The following GBF1 variants were observed in gnomAD, a reference collection of about 807,000 sequenced individuals.
GBF1 encodes Golgi-specific brefeldin A-resistance guanine nucleotide exchange factor 1.
A neutral mutation model predicts 210.5 loss-of-function variants in GBF1; 114 were observed. The ratio of observed to expected loss-of-function variants is 0.54; its 90% CI spans 0.47 to 0.63. The LOEUF is 0.63. Ranked by LOEUF, GBF1 falls within the 30% of genes least tolerant of loss-of-function variation. The pLI is 0.00. For missense variants in GBF1, 1,851 were observed against 2,357.7 expected (o/e 0.79, Z 4.45); for synonymous variants, 850 against 889.2 (o/e 0.96, Z 0.78).
chr10:102,344,170 T>C lies in GBF1; in HGVS notation c.283T>C (p.Tyr95His). 1 of 1,613,968 alleles carries C rather than the reference T, an allele frequency of 6.2e-7. No homozygotes were observed. The highest frequency in any genetic ancestry group is 8.5e-7 in the Non-Finnish European group (1 of 1,179,810). Reference sequence around the variant, plus strand: ...CACCTCTGTCAACAAGTTCCTGTCCTATGCACTCATAGGTAAGAGCTCAGG... The same window carrying C: ...CACCTCTGTCAACAAGTTCCTGTCCCATGCACTCATAGGTAAGAGCTCAGG... ...ALTSVNKFLS[Y>H]ALIDPTHEGT... The change falls in exon 4 of 40, where the codon TAT becomes CAT. Residue 95 changes from tyrosine to histidine, a missense_variant. By Grantham distance (83) the Tyr-to-His change is moderately conservative. Coordinates refer to ENST00000369983, the MANE Select transcript of GBF1 (RefSeq NM_001377137.1).
At position 102,378,242 on chromosome 10, in the gene GBF1, AAAAAT is replaced by A. The variant is rs2060630034; in HGVS notation, c.4495-1039_4495-1035del. Among the ~76,000 whole-genome samples the A allele has an allele frequency of 2.0e-5, 3 of 151,828 alleles. No homozygotes were observed. The East Asian group carries it at 5.8e-4, about 29-fold the overall frequency. Reference sequence around the variant, plus strand: ...CAAAAAAAAAAAAAAGAAAGAAAAGAAAAATAACGAAAGTAAAAATGTATTAAATC... The same window carrying A: ...CAAAAAAAAAAAAAAGAAAGAAAAGAAACGAAAGTAAAAATGTATTAAATC... On this transcript the variant is annotated intron_variant, in intron 33 of 39. Transcript: ENST00000369983.
chr10:102,306,260 T>C (rs1325733363), intron 3 of GBF1, among the ~76,000 whole-genome samples: 2 of 152,210 alleles, frequency 1.3e-5, no homozygotes, highest in South Asian at 4.1e-4. Context: ...GTTATTCCCC[T>C]TAATTCAGTT....
rs1259523841 is a variant in GBF1 at position 102,344,073 on chromosome 10, T to C, written c.186T>C (p.Asn62=). 6.2e-7 allele frequency: 1 copy of C among 1,612,758 alleles called. No homozygotes were observed. The highest frequency in any genetic ancestry group is 2.2e-5 in the East Asian group (1 of 44,878). The change falls in exon 4 of 40, where the codon AAT becomes AAC. Residue 62 remains asparagine, a synonymous_variant. Transcript: ENST00000369983. ...SITELSEIEP[N]VFLRPFLEVI... is the part of the protein sequence containing the mutation. ...CAGAACTCTCAGAAATTGAGCCCAATGTATTCCTTCGACCTTTTCTGGAAG... is the reference window on the plus strand; with the variant it reads ...CAGAACTCTCAGAAATTGAGCCCAACGTATTCCTTCGACCTTTTCTGGAAG...
At chr10:102,369,806 G>A (rs758964720) in intron 25 of GBF1, 31 bp downstream of exon 25, 2 of 1,614,112 alleles carry the variant, frequency 1.2e-6, no homozygotes. Flanking sequence ...CAGGGGCTTG[G>A]GGAGGGAGAG....
At chr10:102,252,286 C>T (rs997712828) in intron 1 of GBF1, among the ~76,000 whole-genome samples, 1 of 149,726 alleles carries the variant, frequency 6.7e-6, no homozygotes, top group Non-Finnish European at 1.5e-5. Context: ...TACGGTGAGC[C>T]GAGATTGTGC....
chr10:102,297,099 A>G (rs969944026), intron 3 of GBF1, among the ~76,000 whole-genome samples: 1 of 152,096 alleles, frequency 6.6e-6, no homozygotes, highest in Non-Finnish European at 1.5e-5. Flanking sequence ...TTATAAGCAT[A>G]AGACTTAAGA....
chr10:102,288,109 A>C lies in GBF1; in HGVS notation c.163+27993A>C, dbSNP rs17114444. ...TAAAAACTTTCCGTTTTTCTAAAGC[A>C]AGCCAGTAAGCATGATCGATCTACC... On this transcript the variant is annotated intron_variant, in intron 3 of 39. Transcript: ENST00000369983. Among the ~76,000 whole-genome samples the C allele has an allele frequency of 4.6e-3, 696 of 152,274 alleles. 6 individuals are homozygous for C. The highest frequency in any genetic ancestry group is 0.016 in the African/African-American group (665 of 41,562).
chr10:102,262,835 A>T (rs1003113423), intron 3 of GBF1, among the ~76,000 whole-genome samples: 6 of 152,220 alleles, frequency 3.9e-5, no homozygotes, highest in African/African-American at 7.2e-5. Flanking sequence ...TCAGAAATCC[A>T]GCCAGATTAT....
At position 102,256,046 on chromosome 10, in the gene GBF1, A is replaced by G. The variant is rs188234374; in HGVS notation, c.-10-2883A>G. 1.9e-3 allele frequency among the ~76,000 whole-genome samples: 290 copies of G among 152,292 alleles called. 1 individual carries two copies. Among genetic ancestry groups the G allele is most frequent in the Admixed American group, 3.7e-3 (57 of 15,302 alleles). ...CCGCAGCCTCAATCTACCGGCCTCAAGCAATCCTCCCACCGCAGCCTCCCT... is the reference window on the plus strand; with the variant it reads ...CCGCAGCCTCAATCTACCGGCCTCAGGCAATCCTCCCACCGCAGCCTCCCT... On this transcript the variant is annotated intron_variant, in intron 1 of 39. Transcript: ENST00000369983.
At chr10:102,303,108 C>T (rs1302118023) in intron 3 of GBF1, among the ~76,000 whole-genome samples, 1 of 151,830 alleles carries the variant, frequency 6.6e-6, no homozygotes, top group East Asian at 1.9e-4. Context: ...CTGCCTCCAC[C>T]TCCCAAGTAG....
At chr10:102,330,579 A>G (rs11191261) in intron 3 of GBF1, among the ~76,000 whole-genome samples, 8,217 of 151,976 alleles carry the variant, frequency 0.054, 710 homozygotes, top group African/African-American at 0.19. Context: ...AGCTACACTC[A>G]GGAGGCTGAG....
At chr10:102,339,620 C>G (rs371206994) in intron 3 of GBF1, among the ~76,000 whole-genome samples, 1 of 151,290 alleles carries the variant, frequency 6.6e-6, no homozygotes, top group Non-Finnish European at 1.5e-5. Context: ...GAGCCAAGAT[C>G]GAGCCACTGC....
chr10:102,232,221 TG>T, the GBF1 span: 1 of 653,462 alleles, frequency 1.5e-6, no homozygotes, highest in Non-Finnish European at 2.8e-6. Flanking sequence ...TGGGGCTGCG[TG>T]GGGCTCCTTA....
chr10:102,274,488 C>T (rs2074737133), intron 3 of GBF1, among the ~76,000 whole-genome samples: 1 of 151,878 alleles, frequency 6.6e-6, no homozygotes, highest in Non-Finnish European at 1.5e-5. Flanking sequence ...TATGATTAGT[C>T]TCTTTATATT....
intron 8 of GBF1, among the ~76,000 whole-genome samples, chr10:102,353,961 A>T (rs924534970): frequency 2.6e-5 from 4 of 152,200 alleles, no homozygotes; most frequent in African/African-American, 9.7e-5. Flanking sequence ...AAGTCCTGCC[A>T]TCCCCTCAAG....
At chr10:102,351,207 A>C (rs781070823) in intron 4 of GBF1, 49 bp from the exon 5 acceptor site, 13 of 1,043,670 alleles carry the variant, frequency 1.2e-5, no homozygotes, top group Admixed American at 1.2e-4. Flanking sequence ...CTTACCTTTT[A>C]TCTCTCTCCT....
chr10:102,362,918 T>G lies in GBF1; in HGVS notation c.1876+254T>G, dbSNP rs370477076. On this transcript the variant is annotated intron_variant, in intron 15 of 39. Transcript: ENST00000369983. The stretch of plus-strand genomic sequence containing the variant: ...TATGGCAAGAGAAGAGAACAGAGAT[T>G]AAAGAATATAGGATTTCTGTCTCTG... Among the ~76,000 whole-genome samples, 44 of 152,326 alleles carry G rather than the reference T, an allele frequency of 2.9e-4. 1 individual carries two copies. In the South Asian group the frequency reaches 9.1e-3, roughly 32 times the overall value.
intron 8 of GBF1, among the ~76,000 whole-genome samples, chr10:102,354,318 T>C (rs907654427): frequency 6.6e-6 from 1 of 152,164 alleles, no homozygotes; most frequent in Admixed American, 6.5e-5. Flanking sequence ...CCTGTTGGTA[T>C]GTGTCTGAGT....
At position 102,293,453 on chromosome 10, in the gene GBF1, A is replaced by C. The variant is rs549428415; in HGVS notation, c.163+33337A>C. Reference sequence around the variant, plus strand: ...GTTTTAGAATGTACTCTTTCTACTAATCAAGAAAAAGAGTTAACTATAAAA... The same window carrying C: ...GTTTTAGAATGTACTCTTTCTACTACTCAAGAAAAAGAGTTAACTATAAAA... On this transcript the variant is annotated intron_variant, in intron 3 of 39. Coordinates refer to ENST00000369983, the MANE Select transcript of GBF1 (RefSeq NM_001377137.1). 2.6e-5 allele frequency among the ~76,000 whole-genome samples: 4 copies of C among 152,276 alleles called. No homozygotes were observed. In the South Asian group the frequency reaches 8.3e-4, roughly 32 times the overall value.
Sources: allele counts gnomAD v4.1 joint callset (sites outside exome capture counted in the v4.1 genomes callset), GRCh38; gene constraint gnomAD v4.1.1; transcripts MANE v1.5; gene names NCBI Gene and HGNC (gene_info 2026-07-23, HGNC 2026-07-21).